RNF182: variants seen among roughly 807,000 people sequenced by gnomAD.
RNF182 encodes the protein E3 ubiquitin-protein ligase RNF182.
A neutral mutation model predicts 14.4 loss-of-function variants in RNF182; 15 were observed. The ratio of observed to expected loss-of-function variants is 1.04; its 90% CI spans 0.70 to 1.60. The LOEUF is 1.60. Among genes scored for constraint, RNF182 ranks in the 40% most tolerant of loss-of-function variants. The probability of loss-of-function intolerance (pLI) is 0.00; values close to 1 mark genes in which losing one functional copy is unlikely to be tolerated. For synonymous variants in RNF182, 128 were observed against 122.9 expected (o/e 1.04, Z -0.27); for missense variants, 268 against 294.8 (o/e 0.91, Z 0.67).
intron 1 of RNF182, among the ~76,000 whole-genome samples, chr6:13,938,004 G>GTTTTTTTTTT (rs70989897): frequency 6.3e-5 from 5 of 79,598 alleles, no homozygotes; most frequent in Admixed American, 2.1e-4. Context: ...TTTTCTTACT[G>GTTTTTTTTTT]TTTTTTTTTT....
At chr6:13,925,220 C>G (rs2113567839) in intron 1 of RNF182, 197 bp downstream of exon 1, 1 of 151,788 alleles carries the variant, frequency 6.6e-6, no homozygotes, top group Admixed American at 6.6e-5. Context: ...ACGGGGGCCG[C>G]CGTCCTGGCA....
At position 13,977,507 on chromosome 6, in the gene RNF182, G is replaced by A. The variant is rs930018353; in HGVS notation, c.388G>A (p.Val130Ile). Residue 130 changes from valine (V) to isoleucine (I), a missense_variant, in exon 3 of 3, where the codon GTC becomes ATC. Transcript: ENST00000488300. ...TTCTCACACGTCCTCCAACTGCCTG[G>A]TCATAACCATCATGGAGGTGCAGAG... ...SPSHTSSNCLVITIMEVQRES... is the reference protein window; with the variant it reads ...SPSHTSSNCLIITIMEVQRES... 3 of 1,614,066 alleles carry A rather than the reference G, an allele frequency of 1.9e-6. No individual in the cohort carries two copies. The highest frequency in any genetic ancestry group is 1.7e-6 in the Non-Finnish European group (2 of 1,180,032).
Position 13,977,658 on chromosome 6 carries a change from C to T in RNF182, c.539C>T (p.Thr180Ile). Residue 180 changes from threonine (T) to isoleucine (I), a missense_variant, in exon 3 of 3, where the codon ACA becomes ATA. Thr to Ile is a moderately conservative substitution (Grantham distance 89). Transcript: ENST00000488300. ...AACTGCACGTCCCTGCTGTTTCAGA[C>T]ATCCATCCGGGTGTTAGTGTGGTTG... ...VWNCTSLLFQTSIRVLVWLLG... is the reference protein window; with the variant it reads ...VWNCTSLLFQISIRVLVWLLG... 6.2e-7 allele frequency: 1 copy of T among 1,614,206 alleles called. No homozygotes were observed. The highest frequency in any genetic ancestry group is 8.5e-7 in the Non-Finnish European group (1 of 1,180,022).
chr6:13,943,934 A>G (rs1759369701), intron 1 of RNF182, among the ~76,000 whole-genome samples: 1 of 152,212 alleles, frequency 6.6e-6, no homozygotes, highest in Non-Finnish European at 1.5e-5. Flanking sequence ...TATCTGGAGG[A>G]GAAACAAACT....
In RNF182 at chr6:13,977,774, G is replaced by T. The variant is rs544664758; in HGVS notation, c.655G>T (p.Val219Phe). 1 of 1,614,050 alleles carries T rather than the reference G, an allele frequency of 6.2e-7. No individual in the cohort carries two copies. The highest frequency in any genetic ancestry group is 1.1e-5 in the South Asian group (1 of 91,070). ...CCTTGGGGTCGTCTTTGTCAGCCTGGTCCCTTCGAGCCTCGTTATTCTTAT... is the reference window on the plus strand; with the variant it reads ...CCTTGGGGTCGTCTTTGTCAGCCTGTTCCCTTCGAGCCTCGTTATTCTTAT... ...VTLGVVFVSL[V>F]PSSLVILMVY... Residue 219 changes from valine (V) to phenylalanine (F), a missense_variant, in exon 3 of 3, where the codon GTC becomes TTC. By Grantham distance (50) the Val-to-Phe change is conservative. Transcript: ENST00000488300.
rs1561789876 is a variant in RNF182 at position 13,975,858 on chromosome 6, T to C, written c.-211-1051T>C. Among the ~76,000 whole-genome samples, 3 of 152,348 alleles carry C rather than the reference T, an allele frequency of 2.0e-5. No homozygotes were observed. In the South Asian group the frequency reaches 6.2e-4, roughly 32 times the overall value. The stretch of plus-strand genomic sequence containing the variant: ...CAAACATAATTTAAGGTGAATCAAC[T>C]ACCAAAAATACTACATATATTAAAG... On this transcript the variant is annotated intron_variant, in intron 2 of 2. Coordinates refer to ENST00000488300, the MANE Select transcript of RNF182 (RefSeq NM_152737.4).
At chr6:13,957,228 T>G (rs1267087357) in intron 1 of RNF182, among the ~76,000 whole-genome samples, 3 of 152,266 alleles carry the variant, frequency 2.0e-5, no homozygotes, top group Non-Finnish European at 4.4e-5. Context: ...AGGCTTTTAC[T>G]TTATCCTAAT....
intron 1 of RNF182, among the ~76,000 whole-genome samples, chr6:13,950,495 G>GTACT (rs1317453270): frequency 8.5e-6 from 1 of 117,672 alleles, no homozygotes; most frequent in Non-Finnish European, 1.8e-5. Flanking sequence ...GACAAAACAG[G>GTACT]TACTTTTTTT....
intron 1 of RNF182, among the ~76,000 whole-genome samples, chr6:13,939,304 A>AT (rs1480232304): frequency 6.6e-6 from 1 of 152,086 alleles, no homozygotes; most frequent in Non-Finnish European, 1.5e-5. Context: ...GAGAGTTGAC[A>AT]TTTTTATAAT....
At chr6:13,964,971 C>T (rs764949202) in intron 1 of RNF182, among the ~76,000 whole-genome samples, 3 of 152,178 alleles carry the variant, frequency 2.0e-5, no homozygotes, top group African/African-American at 4.8e-5. Context: ...TTCCATGGGT[C>T]CTTCAACAAT....
intron 1 of RNF182, among the ~76,000 whole-genome samples, chr6:13,956,644 C>T (rs972219965): frequency 1.3e-5 from 2 of 152,034 alleles, no homozygotes; most frequent in Non-Finnish European, 1.5e-5. Flanking sequence ...CGTTAGACTA[C>T]TCTATAATGT....
intron 1 of RNF182, among the ~76,000 whole-genome samples, chr6:13,969,434 G>C (rs1250696972): frequency 1.3e-5 from 2 of 152,062 alleles, no homozygotes; most frequent in African/African-American, 4.8e-5. Flanking sequence ...GAGAAGGGAG[G>C]TACTATGATT....
intron 1 of RNF182, chr6:13,949,366 A>T: frequency 1.3e-6 from 1 of 763,248 alleles, no homozygotes; most frequent in South Asian, 1.4e-5. Context: ...TGAAGCTGCC[A>T]GTCAGATCTC....
chr6:13,938,175 A>AT (rs1169253099), intron 1 of RNF182, among the ~76,000 whole-genome samples: 39,067 of 92,836 alleles, frequency 0.42, 7,581 homozygotes, highest in Middle Eastern at 0.5. Context: ...AATTTTTTGT[A>AT]TTTTTTTTTT....
chr6:13,966,838 G>T (rs1186246034), intron 1 of RNF182, among the ~76,000 whole-genome samples: 1 of 147,734 alleles, frequency 6.8e-6, no homozygotes, highest in African/African-American at 2.5e-5. Flanking sequence ...GTGCGTGTGT[G>T]TGTGTGTGTG....
In RNF182 at chr6:13,977,259, GC is replaced by G. The variant is rs1760353438; in HGVS notation, c.142del (p.Leu48SerfsTer5). On this transcript the variant is annotated frameshift_variant, in exon 3 of 3. Transcript: ENST00000488300. LOFTEE classifies it high-confidence loss of function. ...LECCHRVCAK[C>X]LYKIIDFGDS... Reference sequence around the variant, plus strand: ...TGTTGTCATAGGGTTTGTGCCAAATGCCTCTACAAGATCATAGACTTTGGGG... The same window carrying G: ...TGTTGTCATAGGGTTTGTGCCAAATGCTCTACAAGATCATAGACTTTGGGG... 1.2e-6 allele frequency: 2 copies of G among 1,614,090 alleles called. No homozygotes were observed. Among genetic ancestry groups the G allele is most frequent in the Non-Finnish European group, 1.7e-6 (2 of 1,180,038 alleles).
At chr6:13,976,860 C>T (rs920364511) in intron 2 of RNF182, 49 bp from the exon 3 acceptor site, 7 of 402,538 alleles carry the variant, frequency 1.7e-5, no homozygotes, top group African/African-American at 6.0e-5. Context: ...TCAGAAACAC[C>T]GTTTCAGTGA....
chr6:13,933,424 G>C (rs767417393), intron 1 of RNF182, among the ~76,000 whole-genome samples: 1 of 134,990 alleles, frequency 7.4e-6, no homozygotes, highest in Non-Finnish European at 1.7e-5. Flanking sequence ...GCTGAGGTAG[G>C]ATGAGGCAGG....
chr6:13,936,337 A>G (rs950143938), intron 1 of RNF182, among the ~76,000 whole-genome samples: 3 of 152,232 alleles, frequency 2.0e-5, no homozygotes, highest in African/African-American at 4.8e-5. Context: ...GAAATCCTTA[A>G]AGAGCTTTAT....
Sources: gnomAD v4.1 joint callset for allele counts (sites outside exome capture counted in the v4.1 genomes callset) on GRCh38, gnomAD v4.1.1 for gene constraint, MANE v1.5 for transcripts, NCBI Gene and HGNC (gene_info 2026-07-23, HGNC 2026-07-21) for gene names.